Variants in CDYL observed in about 807,000 individuals in gnomAD.
CDYL encodes the protein chromodomain Y-like protein.
In CDYL, 8 loss-of-function variants were observed where a neutral mutation model predicts 47.3. The ratio of observed to expected loss-of-function variants is 0.17; its 90% confidence interval spans 0.10 to 0.31. The LOEUF (loss-of-function observed/expected upper bound fraction) is 0.31, where lower values mean the gene tolerates loss of function less well. CDYL is among the 10% of genes least tolerant of loss of function. CDYL has a pLI of 1.00. For missense variants in CDYL, 471 were observed against 701.4 expected (o/e 0.67, Z 3.71); for synonymous variants, 266 against 265.0 (o/e 1.00, Z -0.04).
chr6:4,760,143 T>C (rs1377503987), intron 3 of CDYL, among the ~76,000 whole-genome samples: 3 of 151,784 alleles, frequency 2.0e-5, no homozygotes, highest in Non-Finnish European at 4.4e-5. Flanking sequence ...CCACATCCTC[T>C]TATACTTTGG....
In CDYL at chr6:4,793,310, T is replaced by C. The variant is rs115025365; in HGVS notation, c.24+16503T>C. ...CACCTTCAAGGAGCTTTTATTCTAG[T>C]GGTGGCAACAGTCTAGTGAGAATCG... On this transcript the variant is annotated intron_variant, in intron 1 of 6. Coordinates refer to ENST00000397588, the MANE Select transcript of CDYL (RefSeq NM_004824.4). 8.6e-3 allele frequency among the ~76,000 whole-genome samples: 1,308 copies of C among 152,224 alleles called. 21 individuals carry two copies. The highest frequency in any genetic ancestry group is 0.03 in the African/African-American group (1,258 of 41,536).
At chr6:4,947,266 G>A (rs1183017622) in intron 5 of CDYL, among the ~76,000 whole-genome samples, 2 of 152,232 alleles carry the variant, frequency 1.3e-5, no homozygotes, top group Non-Finnish European at 2.9e-5. Flanking sequence ...TTCTGATAGG[G>A]ATGGGTGGGC....
chr6:4,936,808 G>A (rs1243614841), intron 3 of CDYL, among the ~76,000 whole-genome samples: 1 of 152,116 alleles, frequency 6.6e-6, no homozygotes, highest in Non-Finnish European at 1.5e-5. Context: ...GATATAATAA[G>A]CAACTTGCCT....
At chr6:4,826,180 A>C (rs549846356) in intron 1 of CDYL, among the ~76,000 whole-genome samples, 10 of 152,256 alleles carry the variant, frequency 6.6e-5, no homozygotes, top group Admixed American at 2.0e-4. Context: ...CCTTATGAGC[A>C]GGTGGTTTAG....
chr6:4,919,639 A>G (rs895523547), intron 2 of CDYL, among the ~76,000 whole-genome samples: 1 of 152,224 alleles, frequency 6.6e-6, no homozygotes, highest in African/African-American at 2.4e-5. Context: ...TCCAACATGT[A>G]AAGGATTTTA....
At chr6:4,910,560 A>C (rs980660174) in intron 2 of CDYL, among the ~76,000 whole-genome samples, 1 of 152,262 alleles carries the variant, frequency 6.6e-6, no homozygotes, top group Non-Finnish European at 1.5e-5. Context: ...GGGAGAAGCC[A>C]GTTGCACAAA....
intron 1 of CDYL, among the ~76,000 whole-genome samples, chr6:4,860,346 C>T (rs1476251544): frequency 6.6e-6 from 1 of 151,716 alleles, no homozygotes; most frequent in African/African-American, 2.4e-5. Flanking sequence ...CCTCACTCCC[C>T]CCTTCTTTCC....
intron 2 of CDYL, among the ~76,000 whole-genome samples, chr6:4,733,806 C>T (rs1757652156): frequency 6.7e-6 from 1 of 150,318 alleles, no homozygotes; most frequent in African/African-American, 2.4e-5. Flanking sequence ...TCCTCTTCTC[C>T]TCTCTCTCTG....
chr6:4,750,827 A>C lies in CDYL; in HGVS notation c.186+15983A>C, dbSNP rs188891427. ...TTTAAATTTCAGATATTTGGCTTTGAGCAAAATACTCTTTTCTTTTTTCTT... is the reference window on the plus strand; with the variant it reads ...TTTAAATTTCAGATATTTGGCTTTGCGCAAAATACTCTTTTCTTTTTTCTT... On this transcript the variant is annotated intron_variant, in intron 3 of 8. Transcript: ENST00000328908. Among the ~76,000 whole-genome samples the C allele has an allele frequency of 1.2e-3, 179 of 151,074 alleles. 1 individual carries two copies. The highest frequency in any genetic ancestry group is 4.1e-3 in the African/African-American group (169 of 41,236).
intron 3 of CDYL, among the ~76,000 whole-genome samples, chr6:4,745,303 T>G (rs1582304743): frequency 1.3e-5 from 2 of 152,244 alleles, no homozygotes; most frequent in Admixed American, 6.5e-5. Flanking sequence ...AAGCCACATG[T>G]CATGGACTCT....
At chr6:4,761,987 G>A (rs1005350673) in intron 3 of CDYL, among the ~76,000 whole-genome samples, 10 of 152,328 alleles carry the variant, frequency 6.6e-5, no homozygotes, top group African/African-American at 2.4e-4. Flanking sequence ...AAGCTTGGAA[G>A]CCCATGGAGG....
intron 1 of CDYL, among the ~76,000 whole-genome samples, chr6:4,798,895 T>C (rs1331954555): frequency 6.6e-6 from 1 of 152,232 alleles, no homozygotes; most frequent in Non-Finnish European, 1.5e-5. Flanking sequence ...GTGAAAGTTG[T>C]ATCTTTAAAG....
chr6:4,953,832 G>A lies in CDYL; in HGVS notation c.1477-66G>A. ...TTTGATGATTGCCTCCGTAAATGTG[G>A]AGGCACAGGGGACCCGTGTCTGCCC... On this transcript the variant is annotated intron_variant, in intron 6 of 6. Coordinates refer to ENST00000397588, the MANE Select transcript of CDYL (RefSeq NM_004824.4). 2 of 1,459,904 alleles carry A rather than the reference G, an allele frequency of 1.4e-6. 1 individual carries two copies. The highest frequency in any genetic ancestry group is 2.6e-5 in the South Asian group (2 of 76,702). 90.4% of individuals were successfully genotyped at this position (1,459,904 alleles called of 1,614,324 possible). A position where few individuals can be genotyped will look rare whatever the true frequency, so the allele number is the denominator to read the frequency against.
intron 2 of CDYL, among the ~76,000 whole-genome samples, chr6:4,898,412 A>C (rs186601093): frequency 6.6e-6 from 1 of 152,304 alleles, no homozygotes; most frequent in Non-Finnish European, 1.5e-5. Context: ...AACCCCACAA[A>C]TGATTGACAT....
chr6:4,928,743 A>G (rs766807287), intron 2 of CDYL: 2 of 151,788 alleles, frequency 1.3e-5, no homozygotes, highest in African/African-American at 2.4e-5. Context: ...TTTGTTAATG[A>G]TTTTATTTTT....
In CDYL at chr6:4,938,748, C is replaced by T. The variant is rs112349322; in HGVS notation, c.1121+1011C>T. ...TCAATTTAGTTCTGTTGTTGCTTTG[C>T]AACTTGCTTTTTTCATGTGACAATA... On this transcript the variant is annotated intron_variant, in intron 4 of 6. Coordinates refer to ENST00000397588, the MANE Select transcript of CDYL (RefSeq NM_004824.4). Among the ~76,000 whole-genome samples the T allele has an allele frequency of 1.6e-3, 236 of 152,242 alleles. 1 individual carries two copies. The highest frequency in any genetic ancestry group is 5.2e-3 in the African/African-American group (218 of 41,544).
intron 3 of CDYL, among the ~76,000 whole-genome samples, chr6:4,746,457 T>A (rs1164867724): frequency 6.6e-6 from 1 of 151,018 alleles, no homozygotes; most frequent in Non-Finnish European, 1.5e-5. Context: ...ATCAAGGTAA[T>A]GCAGTGATGA....
rs1757255130 is a variant in CDYL, at chr6:4,716,091, A to G, written c.103+210A>G. ...GTGAAACCCCGTCTCTACTAAAAAT[A>G]CAAAAAAATTAGCCTGGCGTGGTGT... On this transcript the variant is annotated intron_variant, in intron 2 of 8. Transcript: ENST00000328908. Among the ~76,000 whole-genome samples the G allele has an allele frequency of 2.2e-5, 3 of 138,744 alleles. No homozygotes were observed. The Admixed American group carries it at 2.2e-4, about 10-fold the overall frequency. The allele number at this position is 138,744 out of a possible 152,430, so 91.0% of individuals were successfully genotyped here.
At chr6:4,823,842 T>C (rs1204621815) in intron 1 of CDYL, among the ~76,000 whole-genome samples, 1 of 152,328 alleles carries the variant, frequency 6.6e-6, no homozygotes, top group African/African-American at 2.4e-5. Context: ...CCAAAACTCT[T>C]TAATTTCCCC....
Sources: allele counts gnomAD v4.1 joint callset (sites outside exome capture counted in the v4.1 genomes callset), GRCh38; gene constraint gnomAD v4.1.1; transcripts MANE v1.5; gene names NCBI Gene and HGNC (gene_info 2026-07-23, HGNC 2026-07-21).